Variants in CPXM2 observed in about 807,000 individuals in gnomAD.
The protein encoded by CPXM2 is inactive carboxypeptidase-like protein X2.
In CPXM2, 66 loss-of-function variants were observed where a neutral mutation model predicts 86.1. The observed-to-expected ratio is 0.77, with a 90% CI of 0.63 to 0.94. CPXM2 has a LOEUF of 0.94. Among genes scored for constraint, CPXM2 ranks in the 40% least tolerant of loss-of-function variants. The pLI, the probability that CPXM2 is intolerant of heterozygous loss-of-function variation, is 0.00. For missense variants in CPXM2, 948 were observed against 1,026.3 expected, an observed-to-expected ratio of 0.92 and a Z score of 1.04; for synonymous variants, 388 against 400.2, an observed-to-expected ratio of 0.97 and a Z score of 0.36.
chr10:123,891,212 G>A lies in CPXM2; in HGVS notation c.304+144C>T, dbSNP rs745466531. Reference sequence around the variant, plus strand: ...CGGGCCGGCAGGAAGCGCAGATACAGTCCCTAGGGAGGCAGAGGCGGCAAC... The same window carrying A: ...CGGGCCGGCAGGAAGCGCAGATACAATCCCTAGGGAGGCAGAGGCGGCAAC... On this transcript the variant is annotated intron_variant, in intron 1 of 13. Coordinates refer to ENST00000241305, the MANE Select transcript of CPXM2 (RefSeq NM_198148.3). This position sits in a 1 kb window ranked among gnomAD's most constrained non-coding sequence, Gnocchi z 5.6. 6.0e-5 allele frequency: 41 copies of A among 679,924 alleles called. No individual in the cohort carries two copies. Among genetic ancestry groups the A allele is most frequent in the Non-Finnish European group, 9.5e-5 (40 of 422,282 alleles). The allele number at this position is 679,924 out of a possible 1,614,324, so 42.1% of individuals were successfully genotyped here.
intron 2 of CPXM2, among the ~76,000 whole-genome samples, chr10:123,897,050 A>T (rs1179583870): frequency 1.7e-5 from 1 of 57,152 alleles, no homozygotes; most frequent in African/African-American, 6.6e-5. Context: ...CCCTTCCCCC[A>T]CCCCCACCCT....
At chr10:123,850,324 T>C (rs1300621934) in intron 3 of CPXM2, among the ~76,000 whole-genome samples, 1 of 152,232 alleles carries the variant, frequency 6.6e-6, no homozygotes, top group Non-Finnish European at 1.5e-5. Context: ...CTTTAATAAA[T>C]ACAATAGTCC....
At chr10:123,937,521 TAG>T (rs1945734876) in intron 2 of CPXM2, among the ~76,000 whole-genome samples, 1 of 101,830 alleles carries the variant, frequency 9.8e-6, no homozygotes, top group African/African-American at 3.3e-5. Flanking sequence ...ACACACACAC[TAG>T]AATTCTGGAG....
At chr10:123,753,688 T>C (rs904742555) in intron 13 of CPXM2, among the ~76,000 whole-genome samples, 3 of 152,240 alleles carry the variant, frequency 2.0e-5, no homozygotes, top group African/African-American at 7.2e-5. Context: ...TCTGCTGTCC[T>C]GACGTGGTAC....
At chr10:123,876,422 G>C (rs1373164801) in intron 2 of CPXM2, among the ~76,000 whole-genome samples, 1 of 152,126 alleles carries the variant, frequency 6.6e-6, no homozygotes, top group African/African-American at 2.4e-5. Context: ...ATATGAGAAA[G>C]GAGGGAACCA....
At chr10:123,817,119 G>A (rs974656279) in intron 4 of CPXM2, among the ~76,000 whole-genome samples, 1 of 152,184 alleles carries the variant, frequency 6.6e-6, no homozygotes, top group Admixed American at 6.5e-5. Flanking sequence ...GGGCCTATCT[G>A]AATTTTGGAA....
At chr10:123,776,163 A>G (rs1846782214) in intron 7 of CPXM2, among the ~76,000 whole-genome samples, 1 of 152,204 alleles carries the variant, frequency 6.6e-6, no homozygotes, top group African/African-American at 2.4e-5. Flanking sequence ...CCAAAGCTCA[A>G]CCCTATCTGG....
intron 2 of CPXM2, chr10:123,913,705 G>A (rs368364003): frequency 1.6e-4 from 34 of 209,104 alleles, no homozygotes; most frequent in African/African-American, 7.6e-4. Context: ...GGAAAGACGA[G>A]GGGTGGGGAG....
chr10:123,761,780 A>G, intron 11 of CPXM2, 92 bp downstream of exon 11: 6 of 1,306,194 alleles, frequency 4.6e-6, no homozygotes, highest in Non-Finnish European at 6.3e-6. Context: ...CTTAGTGACA[A>G]CAGGACAGTA....
At chr10:123,813,653 T>C (rs577462942) in intron 4 of CPXM2, among the ~76,000 whole-genome samples, 3 of 152,186 alleles carry the variant, frequency 2.0e-5, no homozygotes, top group Admixed American at 6.5e-5. Context: ...ATTTAAGAAA[T>C]TGAACATTGA....
At chr10:123,818,431 A>G (rs1847857661) in intron 4 of CPXM2, among the ~76,000 whole-genome samples, 1 of 152,184 alleles carries the variant, frequency 6.6e-6, no homozygotes, top group Non-Finnish European at 1.5e-5. Flanking sequence ...TCAGCCAGCT[A>G]CCAGGCAGCA....
At chr10:123,937,174 G>T (rs1945728168) in intron 2 of CPXM2, among the ~76,000 whole-genome samples, 1 of 152,184 alleles carries the variant, frequency 6.6e-6, no homozygotes, top group African/African-American at 2.4e-5. Context: ...CTCAGGCTTG[G>T]TTAGGGGAGG....
At chr10:123,922,208 T>A (rs1030424199) in intron 2 of CPXM2, among the ~76,000 whole-genome samples, 1 of 152,002 alleles carries the variant, frequency 6.6e-6, no homozygotes, top group Admixed American at 6.6e-5. Context: ...TTGCCAAATG[T>A]CCCGAGGTGC....
intron 2 of CPXM2, among the ~76,000 whole-genome samples, chr10:123,934,487 T>C (rs988641474): frequency 2.0e-5 from 3 of 151,826 alleles, no homozygotes; most frequent in African/African-American, 7.3e-5. Context: ...TCCCTCTTTA[T>C]AGGAACACCC....
intron 2 of CPXM2, among the ~76,000 whole-genome samples, chr10:123,923,319 G>A (rs894738328): frequency 2.6e-5 from 4 of 152,064 alleles, no homozygotes; most frequent in African/African-American, 7.2e-5. Flanking sequence ...GGTGGCTCAC[G>A]CCTGTAATCC....
intron 11 of CPXM2, among the ~76,000 whole-genome samples, chr10:123,761,324 C>T (rs1371253465): frequency 6.6e-6 from 1 of 152,218 alleles, no homozygotes; most frequent in African/African-American, 2.4e-5. Flanking sequence ...GTTCAGTCTG[C>T]AGCTCAGAGT....
At chr10:123,927,015 A>T (rs1945628384) in intron 2 of CPXM2, among the ~76,000 whole-genome samples, 1 of 151,998 alleles carries the variant, frequency 6.6e-6, no homozygotes, top group Non-Finnish European at 1.5e-5. Flanking sequence ...GGGACATAGG[A>T]ACCCAGTAAG....
At chr10:123,911,583 C>T (rs1168647790) in intron 2 of CPXM2, among the ~76,000 whole-genome samples, 6 of 151,754 alleles carry the variant, frequency 4.0e-5, no homozygotes, top group African/African-American at 7.3e-5. Flanking sequence ...AGGCCATGAA[C>T]GGAAACAGCT....
intron 2 of CPXM2, among the ~76,000 whole-genome samples, chr10:123,868,013 T>C (rs1944824630): frequency 6.6e-6 from 1 of 152,196 alleles, no homozygotes; most frequent in South Asian, 2.1e-4. Context: ...TGGGGAATCT[T>C]AAACCTGCAG....
Sources: allele counts gnomAD v4.1 joint callset (sites outside exome capture counted in the v4.1 genomes callset), GRCh38; gene constraint gnomAD v4.1.1; non-coding constraint Gnocchi (gnomAD v3.1); transcripts MANE v1.5; gene names NCBI Gene and HGNC (gene_info 2026-07-23, HGNC 2026-07-21).